AFF4: variants seen among roughly 807,000 people sequenced by gnomAD.
AFF4 encodes ALF transcription elongation factor 4.
AFF4 carries 13 observed loss-of-function variants against 124.8 expected under a neutral mutation model. That is an observed-to-expected ratio of 0.10 (90% confidence interval 0.07 to 0.17). The LOEUF is 0.17. AFF4 is among the 10% of genes least tolerant of loss of function. The probability of loss-of-function intolerance (pLI) is 1.00; values close to 1 mark genes in which losing one functional copy is unlikely to be tolerated. For synonymous variants in AFF4, 477 were observed against 496.1 expected, an observed-to-expected ratio of 0.96 and a Z score of 0.51; for missense variants, 1,092 against 1,403.8, an observed-to-expected ratio of 0.78 and a Z score of 3.55.
rs1300115093 is a variant in AFF4 at position 132,899,660 on chromosome 5, G to T, written c.1134-19C>A. 5 of 1,599,262 alleles carry T rather than the reference G, an allele frequency of 3.1e-6. No individual in the cohort carries two copies. In the South Asian group the frequency reaches 3.3e-5, roughly 11 times the overall value. On this transcript the variant is annotated intron_variant, in intron 7 of 20. Coordinates refer to ENST00000265343, the MANE Select transcript of AFF4 (RefSeq NM_014423.4). ...TAACATACTAGAGGGAAAAGACAAA[G>T]AATTATTATTTTTGGAACAGTTTAC...
chr5:132,914,531 G>GT (rs1392291146), intron 5 of AFF4, among the ~76,000 whole-genome samples: 3 of 151,742 alleles, frequency 2.0e-5, no homozygotes, highest in Non-Finnish European at 4.4e-5. Context: ...AACCCGGAAG[G>GT]TGGAGGTTGC....
intron 1 of AFF4, among the ~76,000 whole-genome samples, chr5:132,940,922 GAGGCTGATGCAGGAGAAAAGC>G (rs1761553598): frequency 6.6e-6 from 1 of 151,996 alleles, no homozygotes; most frequent in Admixed American, 6.6e-5. Flanking sequence ...AGCTACTCAG[GAGGCTGATGCAGGAGAAAAGC>G]TTGAACTCAG....
At position 132,885,045 on chromosome 5, in the gene AFF4, A is replaced by G. The variant is rs545638395; in HGVS notation, c.3143+31T>C. ...TACTCATTTCACTTTTATTGCCACA[A>G]TAATATTTTACATAATAAAATTTTA... On this transcript the variant is annotated intron_variant, in intron 19 of 20. Transcript: ENST00000265343. 40 of 1,545,920 alleles carry G rather than the reference A, an allele frequency of 2.6e-5. No individual in the cohort carries two copies. The South Asian group carries it at 4.2e-4, about 16-fold the overall frequency.
chr5:132,957,541 T>C (rs898095556), intron 1 of AFF4, among the ~76,000 whole-genome samples: 5 of 151,888 alleles, frequency 3.3e-5, no homozygotes, highest in Non-Finnish European at 7.4e-5. Context: ...GAGATCAGCC[T>C]GGTCAACATG....
chr5:132,881,600 C>A (rs772056926), intron 20 of AFF4, among the ~76,000 whole-genome samples: 4 of 152,188 alleles, frequency 2.6e-5, no homozygotes, highest in Non-Finnish European at 4.4e-5. Context: ...CCTGTAACAG[C>A]CTCTGTGAGG....
At position 132,896,518 on chromosome 5, in the gene AFF4, G is replaced by A. The variant is rs1347320567; in HGVS notation, c.2112C>T (p.Pro704=). ...GGTACCTGTCATCAGGCTCACTGAGGGGTGAAAGAAGTTCCTTCTCTTCCA... is the reference window on the plus strand; with the variant it reads ...GGTACCTGTCATCAGGCTCACTGAGAGGTGAAAGAAGTTCCTTCTCTTCCA... The part of the protein sequence containing the change: ...SPMEEKELLS[P]LSEPDDRYPL... The change falls in exon 11 of 21, where the codon CCC becomes CCT. Residue 704 remains proline, a synonymous_variant. Transcript: ENST00000265343. 2.5e-6 allele frequency: 4 copies of A among 1,614,012 alleles called. No individual in the cohort carries two copies. In the African/African-American group the frequency reaches 5.3e-5, roughly 22 times the overall value.
At chr5:132,927,343 T>G (rs1761195267) in intron 4 of AFF4, 136 bp from the exon 5 acceptor site, 2 of 697,864 alleles carry the variant, frequency 2.9e-6, no homozygotes, top group East Asian at 5.7e-5. Context: ...TCAATAAATA[T>G]TAAGCACAAT....
At chr5:132,885,822 G>A (rs1760104805) in intron 18 of AFF4, among the ~76,000 whole-genome samples, 1 of 152,170 alleles carries the variant, frequency 6.6e-6, no homozygotes, top group Admixed American at 6.5e-5. Flanking sequence ...TCACCAGGCT[G>A]GAGTGCAGTG....
chr5:132,924,044 G>A (rs1333989105), intron 5 of AFF4, among the ~76,000 whole-genome samples: 2 of 151,232 alleles, frequency 1.3e-5, no homozygotes, highest in East Asian at 2.0e-4. Context: ...TCACGAGGTC[G>A]GGAGTTTGAG....
At chr5:132,909,059 G>A (rs1760734439) in intron 5 of AFF4, among the ~76,000 whole-genome samples, 2 of 150,582 alleles carry the variant, frequency 1.3e-5, no homozygotes, top group Admixed American at 6.6e-5. Context: ...ATGAGGCACC[G>A]CACCCAGCCG....
chr5:132,905,544 T>C (rs995350809), intron 5 of AFF4, among the ~76,000 whole-genome samples: 1 of 152,234 alleles, frequency 6.6e-6, no homozygotes, highest in Non-Finnish European at 1.5e-5. Flanking sequence ...TCCAAGAGGA[T>C]GCCAAGACCA....
intron 10 of AFF4, among the ~76,000 whole-genome samples, chr5:132,897,549 A>C (rs1481277817): frequency 6.6e-6 from 1 of 152,156 alleles, no homozygotes; most frequent in Non-Finnish European, 1.5e-5. Flanking sequence ...GTCTCTATTA[A>C]AAATACAAAA....
chr5:132,917,044 C>T (rs534318438), intron 5 of AFF4, among the ~76,000 whole-genome samples: 2 of 152,196 alleles, frequency 1.3e-5, no homozygotes, highest in South Asian at 2.1e-4. Flanking sequence ...CCTCAGCCTC[C>T]CGAGTAGCTG....
At position 132,892,288 on chromosome 5, in the gene AFF4, G is replaced by A. The variant is rs761289399; in HGVS notation, c.2513C>T (p.Ser838Phe). Residue 838 changes from serine (S) to phenylalanine (F), a missense_variant, in exon 13 of 21, where the codon TCT becomes TTT. Physicochemically the swap from Ser to Phe is radical, Grantham distance 155. Around this residue, in one of 11 missense-constraint regions of AFF4, gnomAD observed 293 missense variants for 280.2 expected, o/e 1.05. Coordinates refer to ENST00000265343, the MANE Select transcript of AFF4 (RefSeq NM_014423.4). ...GTTACTGCTTGACTTTAAGGAAGAA[G>A]ACTGACTAATAGTCCTCTTCCGAGA... Reference protein sequence around the residue: ...HGSRKRTISQSSSLKSSSNSN... With the variant: ...HGSRKRTISQFSSLKSSSNSN... 1 of 1,614,100 alleles carries A rather than the reference G, an allele frequency of 6.2e-7. No individual in the cohort carries two copies. Among genetic ancestry groups the A allele is most frequent in the South Asian group, 1.1e-5 (1 of 91,078 alleles).
intron 4 of AFF4, among the ~76,000 whole-genome samples, chr5:132,929,453 T>A (rs879350034): frequency 2.0e-5 from 3 of 152,120 alleles, no homozygotes; most frequent in Non-Finnish European, 4.4e-5. Context: ...GAGGAAAATA[T>A]TTATGCTCCC....
At position 132,934,818 on chromosome 5, in the gene AFF4, G is replaced by GTAC. The variant is rs753773013; in HGVS notation, c.244_246dup (p.Val82dup). 2 of 1,614,060 alleles carry GTAC rather than the reference G, an allele frequency of 1.2e-6. No homozygotes were observed. The highest frequency in any genetic ancestry group is 2.2e-5 in the South Asian group (2 of 91,080). On this transcript the variant is annotated inframe_insertion, in exon 3 of 21. Coordinates refer to ENST00000265343, the MANE Select transcript of AFF4 (RefSeq NM_014423.4). Reference sequence around the variant, plus strand: ...TTAGATTTTTCATCTGCTGATGGTGGTACTGTAGGCTTGGGAATTGCAACA... The same window carrying GTAC: ...TTAGATTTTTCATCTGCTGATGGTGGTACTACTGTAGGCTTGGGAATTGCAACA...
chr5:132,961,223 T>G (rs1234060166), intron 1 of AFF4, among the ~76,000 whole-genome samples: 2 of 151,566 alleles, frequency 1.3e-5, no homozygotes, highest in Non-Finnish European at 2.9e-5. Flanking sequence ...TACTGCAACC[T>G]TCGCCTCCCA....
At chr5:132,907,382 CACACTTACTCATGTA>C (rs1319591592) in intron 5 of AFF4, among the ~76,000 whole-genome samples, 3 of 152,268 alleles carry the variant, frequency 2.0e-5, no homozygotes, top group African/African-American at 7.2e-5. Context: ...TCTCTGGCAA[CACACTTACTCATGTA>C]TCAAAGTACT....
chr5:132,942,279 A>G (rs1441717598), intron 1 of AFF4, among the ~76,000 whole-genome samples: 1 of 152,190 alleles, frequency 6.6e-6, no homozygotes, highest in Non-Finnish European at 1.5e-5. Flanking sequence ...CCTGGTTACT[A>G]GGCTCTTACA....
Sources: allele counts gnomAD v4.1 joint callset (sites outside exome capture counted in the v4.1 genomes callset), GRCh38; gene constraint gnomAD v4.1.1; regional missense constraint gnomAD v4.1.1; transcripts MANE v1.5; gene names NCBI Gene and HGNC (gene_info 2026-07-23, HGNC 2026-07-21).